The following USH2A variants were observed in gnomAD, a reference collection of about 807,000 sequenced individuals.
USH2A encodes Usher syndrome 2A (autosomal recessive, mild).
Under a neutral mutation model 538.9 loss-of-function variants are expected in USH2A, and 443 were observed. The observed-to-expected ratio is 0.82, with a 90% CI of 0.76 to 0.89. The LOEUF is 0.89. Among genes scored for constraint, USH2A ranks in the 40% least tolerant of loss-of-function variants. The pLI, the probability that USH2A is intolerant of heterozygous loss-of-function variation, is 0.00. For synonymous variants in USH2A, 2,413 were observed against 2,273.5 expected (o/e 1.06, Z -1.75); for missense variants, 6,633 against 6,324.8 (o/e 1.05, Z -1.65).
intron 59 of USH2A, among the ~76,000 whole-genome samples, chr1:215,742,910 G>A (rs1269751411): frequency 1.3e-5 from 2 of 151,944 alleles, no homozygotes; most frequent in Admixed American, 6.6e-5. Flanking sequence ...TGTGAGCTAG[G>A]TGTTTTTCTT....
At chr1:216,332,814 T>C (rs772433479) in intron 4 of USH2A, among the ~76,000 whole-genome samples, 15 of 152,020 alleles carry the variant, frequency 9.9e-5, no homozygotes, top group Non-Finnish European at 2.2e-4. Context: ...AAGCAAACAG[T>C]AGTAATAGTG....
intron 61 of USH2A, among the ~76,000 whole-genome samples, chr1:215,706,924 G>GGTTTA (rs986822890): frequency 3.9e-5 from 6 of 152,030 alleles, no homozygotes; most frequent in Admixed American, 2.6e-4. Flanking sequence ...AAATCATCAT[G>GGTTTA]GTTTAGTAAT....
intron 13 of USH2A, among the ~76,000 whole-genome samples, chr1:216,240,465 C>A (rs879264003): frequency 1.3e-4 from 19 of 147,654 alleles, no homozygotes; most frequent in Non-Finnish European, 2.5e-4. Context: ...CACTGATAGG[C>A]AAAAGGGTCC....
chr1:216,085,365 C>T (rs1210192766), intron 24 of USH2A, among the ~76,000 whole-genome samples: 1 of 150,690 alleles, frequency 6.6e-6, no homozygotes, highest in Non-Finnish European at 1.5e-5. Flanking sequence ...CTCTCCAGAC[C>T]AGGTAGAGGT....
intron 9 of USH2A, among the ~76,000 whole-genome samples, chr1:216,295,584 T>C (rs1454291854): frequency 3.9e-5 from 6 of 151,926 alleles, no homozygotes; most frequent in Non-Finnish European, 1.5e-5. Flanking sequence ...TCATGTAAAG[T>C]ACAATAAATT....
At chr1:216,202,600 A>C (rs181653522) in intron 16 of USH2A, among the ~76,000 whole-genome samples, 1 of 152,166 alleles carries the variant, frequency 6.6e-6, no homozygotes, top group Admixed American at 6.5e-5. Flanking sequence ...TTTCAGAGAA[A>C]CATTTACAGT....
chr1:216,198,374 G>A lies in USH2A; in HGVS notation c.4022C>T (p.Ala1341Val). ...PYTKYEFRVL[A>V]VNMAGSVSSA... Reference sequence around the variant, plus strand: ...AGACACACTTCCAGCCATATTCACAGCTAAGACTCTGAACTCATACTTGGT... The same window carrying A: ...AGACACACTTCCAGCCATATTCACAACTAAGACTCTGAACTCATACTTGGT... The change falls in exon 18 of 72, where the codon GCT becomes GTT. Residue 1341 changes from alanine (A) to valine (V), a missense_variant. Coordinates refer to ENST00000307340, the MANE Select transcript of USH2A (RefSeq NM_206933.4). 4 of 1,614,016 alleles carry A rather than the reference G, an allele frequency of 2.5e-6. No individual in the cohort carries two copies. The highest frequency in any genetic ancestry group is 3.4e-6 in the Non-Finnish European group (4 of 1,179,952).
At chr1:215,975,652 C>A (rs984834587) in intron 35 of USH2A, among the ~76,000 whole-genome samples, 1 of 152,128 alleles carries the variant, frequency 6.6e-6, no homozygotes, top group Non-Finnish European at 1.5e-5. Flanking sequence ...TCTAGATTCT[C>A]TTTTCTGTTC....
At chr1:215,970,851 T>C in intron 35 of USH2A, 75 bp from the exon 36 acceptor site, 1 of 1,409,962 alleles carries the variant, frequency 7.1e-7, no homozygotes, top group Non-Finnish European at 1.0e-6. Context: ...GCAAGCACTC[T>C]TGATGTGATT....
At chr1:216,131,160 A>AT (rs1209199637) in intron 21 of USH2A, among the ~76,000 whole-genome samples, 2 of 150,396 alleles carry the variant, frequency 1.3e-5, no homozygotes, top group Admixed American at 6.6e-5. Context: ...GGGATTGTTC[A>AT]TTTTTTTCTT....
chr1:215,985,419 T>C (rs1203103814), intron 35 of USH2A, among the ~76,000 whole-genome samples: 1 of 152,176 alleles, frequency 6.6e-6, no homozygotes, highest in African/African-American at 2.4e-5. Context: ...AATAAAACCG[T>C]GAATTTTTGT....
At chr1:215,750,778 G>A (rs939265787) in intron 58 of USH2A, among the ~76,000 whole-genome samples, 5 of 152,056 alleles carry the variant, frequency 3.3e-5, no homozygotes, top group Admixed American at 2.6e-4. Flanking sequence ...GAATAACCTA[G>A]AGAAAATAGC....
At chr1:216,275,285 T>A (rs1571648724) in intron 11 of USH2A, among the ~76,000 whole-genome samples, 1 of 152,128 alleles carries the variant, frequency 6.6e-6, no homozygotes, top group East Asian at 1.9e-4. Context: ...CTATACAGTG[T>A]GGTCTTATTG....
At chr1:216,231,237 T>TATATATATATATATATTATATATATA (rs1553318087) in intron 14 of USH2A, among the ~76,000 whole-genome samples, 3 of 41,264 alleles carry the variant, frequency 7.3e-5, no homozygotes, top group South Asian at 9.9e-4. Flanking sequence ...ATATCCCATA[T>TATATATATATATATATTATATATATA]ATATATATAT....
At position 215,686,000 on chromosome 1, in the gene USH2A, C is replaced by G. The variant is rs145367403; in HGVS notation, c.12067-5624G>C. Among the ~76,000 whole-genome samples, 560 of 152,198 alleles carry G rather than the reference C, an allele frequency of 3.7e-3. 4 individuals carry two copies. Among genetic ancestry groups the G allele is most frequent in the Non-Finnish European group, 6.0e-3 (410 of 67,976 alleles). Reference sequence around the variant, plus strand: ...ATGGCCTATTGTTTAGTGTTCAGGCCTATTGTTTTAGTGTGTATGTGCTAG... The same window carrying G: ...ATGGCCTATTGTTTAGTGTTCAGGCGTATTGTTTTAGTGTGTATGTGCTAG... On this transcript the variant is annotated intron_variant, in intron 61 of 71. Transcript: ENST00000307340.
chr1:215,988,239 C>T (rs904421353), intron 35 of USH2A, among the ~76,000 whole-genome samples: 1 of 152,054 alleles, frequency 6.6e-6, no homozygotes, highest in African/African-American at 2.4e-5. Flanking sequence ...TGTTTCTGTG[C>T]ATTCAACTAC....
intron 21 of USH2A, among the ~76,000 whole-genome samples, chr1:216,163,641 T>C (rs1454912098): frequency 3.6e-5 from 1 of 27,826 alleles, no homozygotes. Flanking sequence ...AAATAACTTT[T>C]ATCTCAGTAT....
chr1:215,988,146 A>G lies in USH2A; in HGVS notation c.6805+4874T>C, dbSNP rs533239870. 5.0e-4 allele frequency among the ~76,000 whole-genome samples: 76 copies of G among 152,078 alleles called. No individual in the cohort carries two copies. The South Asian group carries it at 5.0e-3, about 10-fold the overall frequency. ...GAGTTGTAGAACTTTTTCGTCTTGG[A>G]AAACTGAAGCTCTAAACCCATTGAA... On this transcript the variant is annotated intron_variant, in intron 35 of 71. Coordinates refer to ENST00000307340, the MANE Select transcript of USH2A (RefSeq NM_206933.4).
chr1:215,924,735 T>A (rs377000979), intron 38 of USH2A, among the ~76,000 whole-genome samples: 19 of 152,256 alleles, frequency 1.2e-4, no homozygotes, highest in East Asian at 7.7e-4. Flanking sequence ...GAACAATATT[T>A]CCCACCCCTC....
Sources: gnomAD v4.1 joint callset for allele counts (sites outside exome capture counted in the v4.1 genomes callset) on GRCh38, gnomAD v4.1.1 for gene constraint, MANE v1.5 for transcripts, NCBI Gene and HGNC (gene_info 2026-07-23, HGNC 2026-07-21) for gene names.